The following PTPN21 variants were observed in gnomAD, a reference collection of about 807,000 sequenced individuals.
The protein encoded by PTPN21 is tyrosine-protein phosphatase non-receptor type 21.
In PTPN21, 77 loss-of-function variants were observed where a neutral mutation model predicts 131.8. The observed-to-expected ratio is 0.58, with a 90% CI of 0.49 to 0.71. The LOEUF is 0.71. Among genes scored for constraint, PTPN21 ranks in the 30% least tolerant of loss-of-function variants. PTPN21 has a pLI of 0.00. For missense variants in PTPN21, 1,552 were observed against 1,527.1 expected (o/e 1.02, Z -0.27); for synonymous variants, 715 against 621.3 (o/e 1.15, Z -2.24).
Position 88,548,623 on chromosome 14 carries a change from G to A in PTPN21, c.180+1615C>T, listed in dbSNP as rs114011050. Among the ~76,000 whole-genome samples, 698 of 152,220 alleles carry A rather than the reference G, an allele frequency of 4.6e-3. 7 individuals carry two copies. The highest frequency in any genetic ancestry group is 0.015 in the African/African-American group (643 of 41,520). On this transcript the variant is annotated intron_variant, in intron 2 of 18. Coordinates refer to ENST00000556564, the MANE Select transcript of PTPN21 (RefSeq NM_007039.4). Reference sequence around the variant, plus strand: ...AAGTATGTATGTGCTTGGCACTTACGCATCTTCAGTACTGAGTGATCATAT... The same window carrying A: ...AAGTATGTATGTGCTTGGCACTTACACATCTTCAGTACTGAGTGATCATAT...
chr14:88,469,085 A>G lies in PTPN21; in HGVS notation c.3236-9T>C. On this transcript the variant is annotated splice_polypyrimidine_tract_variant and intron_variant, in intron 17 of 18. Coordinates refer to ENST00000556564, the MANE Select transcript of PTPN21 (RefSeq NM_007039.4). This position sits in a 1 kb window ranked among gnomAD's most constrained non-coding sequence, Gnocchi z 4.3. The stretch of plus-strand genomic sequence containing the variant: ...GATCTCTTCAAGATATGCTGTGGAA[A>G]ATCAATGAAATAGAAAAGTACTCAA... The G allele has an allele frequency of 1.2e-6, 2 of 1,602,942 alleles. No homozygotes were observed. The highest frequency in any genetic ancestry group is 1.1e-5 in the South Asian group (1 of 90,424).
At position 88,546,244 on chromosome 14, in the gene PTPN21, C is replaced by A. The variant is rs2078777743; in HGVS notation, c.180+3994G>T. Reference sequence around the variant, plus strand: ...TGAAACCCCTGGGTATAGTGTTATACTATTGTGCGGCCCTTGTAACTGTCA... The same window carrying A: ...TGAAACCCCTGGGTATAGTGTTATAATATTGTGCGGCCCTTGTAACTGTCA... On this transcript the variant is annotated intron_variant, in intron 2 of 18. Transcript: ENST00000556564. 2.0e-5 allele frequency among the ~76,000 whole-genome samples: 3 copies of A among 151,612 alleles called. No individual in the cohort carries two copies. In the South Asian group the frequency reaches 6.2e-4, roughly 31 times the overall value.
chr14:88,553,790 C>T (rs1418020152), intron 1 of PTPN21, among the ~76,000 whole-genome samples: 2 of 152,076 alleles, frequency 1.3e-5, no homozygotes, highest in Non-Finnish European at 2.9e-5. Context: ...CTCAATCTTA[C>T]AGCGTTTCCC....
chr14:88,522,563 A>G (rs1047731732), intron 2 of PTPN21, among the ~76,000 whole-genome samples: 13 of 152,074 alleles, frequency 8.5e-5, no homozygotes, highest in South Asian at 4.1e-4. Context: ...GATTGTTTAC[A>G]TGACTTTCTC....
At chr14:88,494,935 C>A (rs1334982153) in intron 10 of PTPN21, among the ~76,000 whole-genome samples, 1 of 142,148 alleles carries the variant, frequency 7.0e-6, no homozygotes, top group Non-Finnish European at 1.5e-5. Flanking sequence ...ATCACTTGAA[C>A]CCGGGAGGCG....
intron 3 of PTPN21, chr14:88,515,290 T>A (rs1486848930): frequency 6.6e-6 from 1 of 152,238 alleles, no homozygotes. Context: ...TCCTATTGAT[T>A]GACTCTAATA....
intron 1 of PTPN21, among the ~76,000 whole-genome samples, chr14:88,553,019 G>A (rs1315183454): frequency 6.6e-6 from 1 of 152,174 alleles, no homozygotes; most frequent in Non-Finnish European, 1.5e-5. Context: ...GTAGAGGAAA[G>A]ATAAATATTT....
At chr14:88,500,686 G>C (rs1039344181) in intron 8 of PTPN21, 97 bp downstream of exon 8, 15 of 821,118 alleles carry the variant, frequency 1.8e-5, no homozygotes, top group Non-Finnish European at 2.7e-5. Context: ...ATGAGACCTT[G>C]GTATAGACTT....
chr14:88,517,180 G>T lies in PTPN21; in HGVS notation c.262C>A (p.Leu88Met), dbSNP rs1258018213. 3.7e-6 allele frequency: 6 copies of T among 1,613,984 alleles called. No individual in the cohort carries two copies. Among genetic ancestry groups the T allele is most frequent in the Non-Finnish European group, 5.1e-6 (6 of 1,179,996 alleles). Residue 88 changes from leucine to methionine, a missense_variant, in exon 3 of 19, where the codon CTG becomes ATG. Leu to Met is a conservative substitution (Grantham distance 15). Transcript: ENST00000556564. ...VDLEKPLKKQLDKYALEPTVY... is the reference protein window; with the variant it reads ...VDLEKPLKKQMDKYALEPTVY... ...GTAGGTTCCAATGCATATTTATCCA[G>T]CTGCTTCTTCAAAGGTTTTTCCAAA...
intron 3 of PTPN21, chr14:88,513,897 A>G (rs2078222995): frequency 6.6e-6 from 1 of 152,150 alleles, no homozygotes; most frequent in African/African-American, 2.4e-5. Flanking sequence ...TTATTTTCTT[A>G]ATTTTATAAC....
rs78321867 is a variant in PTPN21, at chr14:88,537,220, G to A, written c.180+13018C>T. On this transcript the variant is annotated intron_variant, in intron 2 of 18. Transcript: ENST00000556564. ...TGAAGTCCAAGTAACTGAACTTCTC[G>A]TGTGGCTAGATTTTTGTTGTTGCTG... 7.4e-3 allele frequency among the ~76,000 whole-genome samples: 1,133 copies of A among 152,202 alleles called. 6 individuals carry two copies. The highest frequency in any genetic ancestry group is 0.026 in the African/African-American group (1,072 of 41,530).
At chr14:88,472,107 G>A in intron 15 of PTPN21, 137 bp downstream of exon 15, 1 of 614,346 alleles carries the variant, frequency 1.6e-6, no homozygotes, top group Non-Finnish European at 2.9e-6. Context: ...TAAAACTAGG[G>A]TGTTTATCTA....
At chr14:88,476,040 T>C (rs2077542945) in intron 13 of PTPN21, among the ~76,000 whole-genome samples, 1 of 152,222 alleles carries the variant, frequency 6.6e-6, no homozygotes, top group African/African-American at 2.4e-5. Context: ...AATCTTTATG[T>C]AGATATATGA....
intron 2 of PTPN21, among the ~76,000 whole-genome samples, chr14:88,538,156 G>A (rs749592647): frequency 1.3e-5 from 2 of 152,172 alleles, no homozygotes; most frequent in African/African-American, 4.8e-5. Flanking sequence ...AGGTTGTTTA[G>A]TTTACGACCC....
rs184634129 is a variant in PTPN21 at position 88,543,348 on chromosome 14, A to G, written c.180+6890T>C. Among the ~76,000 whole-genome samples the G allele has an allele frequency of 1.6e-3, 239 of 152,314 alleles. 2 individuals carry two copies. The highest frequency in any genetic ancestry group is 4.7e-3 in the African/African-American group (195 of 41,570). ...CTTACATCAGGGAGCCACTACAACT[A>G]GATCACTTTCTAAGTGTTTCAGAAG... On this transcript the variant is annotated intron_variant, in intron 2 of 18. Coordinates refer to ENST00000556564, the MANE Select transcript of PTPN21 (RefSeq NM_007039.4).
chr14:88,491,784 A>G, intron 10 of PTPN21, among the ~76,000 whole-genome samples: 1 of 152,210 alleles, frequency 6.6e-6, no homozygotes, highest in East Asian at 1.9e-4. Flanking sequence ...ATATATAGAG[A>G]TTGAAAGCAA....
intron 2 of PTPN21, among the ~76,000 whole-genome samples, chr14:88,519,564 G>C (rs943799224): frequency 6.6e-6 from 1 of 152,060 alleles, no homozygotes; most frequent in African/African-American, 2.4e-5. Flanking sequence ...CCTCATTCAA[G>C]TAAAAAATAA....
chr14:88,495,086 T>C (rs2077890013), intron 10 of PTPN21, among the ~76,000 whole-genome samples: 1 of 147,156 alleles, frequency 6.8e-6, no homozygotes, highest in Non-Finnish European at 1.5e-5. Flanking sequence ...CTAAGATCAT[T>C]CTGGCTGACA....
chr14:88,521,916 G>T (rs1408663122), intron 2 of PTPN21, among the ~76,000 whole-genome samples: 1 of 152,098 alleles, frequency 6.6e-6, no homozygotes, highest in East Asian at 1.9e-4. Flanking sequence ...TGAACAATCT[G>T]CTAGCATTCT....
Sources: allele counts gnomAD v4.1 joint callset (sites outside exome capture counted in the v4.1 genomes callset), GRCh38; gene constraint gnomAD v4.1.1; non-coding constraint Gnocchi (gnomAD v3.1); transcripts MANE v1.5; gene names NCBI Gene and HGNC (gene_info 2026-07-23, HGNC 2026-07-21).